Variants in PKHD1 observed in about 807,000 individuals in gnomAD.
PKHD1 encodes the protein fibrocystin.
PKHD1 carries 291 observed loss-of-function variants against 412.0 expected under a neutral mutation model. The ratio of observed to expected loss-of-function variants is 0.71; its 90% CI spans 0.64 to 0.78. The LOEUF is 0.78. Among genes scored for constraint, PKHD1 ranks in the 30% least tolerant of loss-of-function variants. PKHD1 has a pLI of 0.00. For missense variants in PKHD1, 4,825 were observed against 4,950.7 expected (o/e 0.97, Z 0.76); for synonymous variants, 1,777 against 1,821.5 (o/e 0.98, Z 0.62).
intron 35 of PKHD1, among the ~76,000 whole-genome samples, chr6:51,994,623 C>A (rs1797502753): frequency 6.6e-6 from 1 of 152,058 alleles, no homozygotes; most frequent in Non-Finnish European, 1.5e-5. Flanking sequence ...GCTGCCCAGG[C>A]TGGAATGCAG....
At chr6:52,047,088 A>C (rs767331029) in intron 23 of PKHD1, among the ~76,000 whole-genome samples, 9 of 152,226 alleles carry the variant, frequency 5.9e-5, no homozygotes, top group Non-Finnish European at 8.8e-5. Flanking sequence ...ATCATCATTC[A>C]AAAGGCCAGG....
chr6:51,625,694 C>T lies in PKHD1; in HGVS notation c.11785+1303G>A, dbSNP rs990973979. On this transcript the variant is annotated intron_variant, in intron 66 of 66. Transcript: ENST00000371117. ...GCATAATGTAGTTAATTTAAGCGGG[C>T]CACTGAAATGCACATAAATGGCCAT... Among the ~76,000 whole-genome samples, 5 of 152,190 alleles carry T rather than the reference C, an allele frequency of 3.3e-5. No individual in the cohort carries two copies. In the East Asian group the frequency reaches 7.7e-4, roughly 24 times the overall value.
intron 10 of PKHD1, 99 bp from the exon 11 acceptor site, chr6:52,069,626 AT>A: frequency 1.2e-6 from 1 of 853,228 alleles, no homozygotes; most frequent in Non-Finnish European, 2.1e-6. Context: ...ACTAACCTCT[AT>A]TGATCTTTAG....
chr6:51,980,889 T>C (rs1345141989), intron 35 of PKHD1, among the ~76,000 whole-genome samples: 1 of 152,168 alleles, frequency 6.6e-6, no homozygotes, highest in East Asian at 1.9e-4. Flanking sequence ...TACAGTCCAC[T>C]TGAAGAAAGT....
At chr6:51,892,494 T>C (rs1211365482) in intron 43 of PKHD1, among the ~76,000 whole-genome samples, 1 of 152,216 alleles carries the variant, frequency 6.6e-6, no homozygotes, top group Non-Finnish European at 1.5e-5. Flanking sequence ...CCAGGGATGC[T>C]GTTATACAGA....
At chr6:51,711,276 CTTCT>C (rs1345461096) in intron 60 of PKHD1, among the ~76,000 whole-genome samples, 1 of 152,156 alleles carries the variant, frequency 6.6e-6, no homozygotes, top group Non-Finnish European at 1.5e-5. Context: ...GCCTTCCCTC[CTTCT>C]TTGTTTCACT....
Position 51,615,930 on chromosome 6 carries a change from AAC to A in PKHD1, c.*3149_*3150del, listed in dbSNP as rs1182664067. 12 of 152,278 alleles carry A rather than the reference AAC, an allele frequency of 7.9e-5. No individual in the cohort carries two copies. Among genetic ancestry groups the A allele is most frequent in the African/African-American group, 2.9e-4 (12 of 41,556 alleles). 9.4% of individuals were successfully genotyped at this position (152,278 alleles called of 1,614,324 possible). A position where few individuals can be genotyped will look rare whatever the true frequency, so the allele number is the denominator to read the frequency against. On this transcript the variant is annotated 3_prime_UTR_variant, in exon 67 of 67. Coordinates refer to ENST00000371117, the MANE Select transcript of PKHD1 (RefSeq NM_138694.4). ...TTCTGTTGGTCAGGTACTTTCCCTG[AAC>A]ACAGTCCCTGCCCCCCAAAAAATGT...
rs1766116777 is a variant in PKHD1 at position 51,616,904 on chromosome 6, T to C, written c.*2177A>G. 1 of 380,360 alleles carries C rather than the reference T, an allele frequency of 2.6e-6. No homozygotes were observed. The highest frequency in any genetic ancestry group is 4.7e-6 in the Non-Finnish European group (1 of 215,044). The allele number at this position is 380,360 out of a possible 1,614,324, so 23.6% of individuals were successfully genotyped here. Reference sequence around the variant, plus strand: ...GCGAAATAGAATGAAGAGTCATGACTGACTTCTAGATTTCTGGTCTGAGTG... The same window carrying C: ...GCGAAATAGAATGAAGAGTCATGACCGACTTCTAGATTTCTGGTCTGAGTG... On this transcript the variant is annotated 3_prime_UTR_variant, in exon 67 of 67. Coordinates refer to ENST00000371117, the MANE Select transcript of PKHD1 (RefSeq NM_138694.4).
intron 2 of PKHD1, among the ~76,000 whole-genome samples, chr6:52,084,254 A>G (rs552777436): frequency 2.6e-5 from 4 of 152,258 alleles, no homozygotes; most frequent in African/African-American, 4.8e-5. Flanking sequence ...CTCATGATGC[A>G]CTTCACATCT....
At chr6:51,674,904 G>C (rs114662868) in intron 60 of PKHD1, among the ~76,000 whole-genome samples, 1 of 152,092 alleles carries the variant, frequency 6.6e-6, no homozygotes, top group Non-Finnish European at 1.5e-5. Context: ...CAATAGCCTA[G>C]GGATTATCAA....
intron 35 of PKHD1, among the ~76,000 whole-genome samples, chr6:51,992,405 A>T (rs1797150103): frequency 6.6e-6 from 1 of 152,194 alleles, no homozygotes; most frequent in Non-Finnish European, 1.5e-5. Flanking sequence ...AAAAGTATCA[A>T]TTTATCCAAG....
Position 51,904,012 on chromosome 6 carries a change from C to G in PKHD1, c.6839G>C (p.Trp2280Ser). 1.3e-6 allele frequency: 2 copies of G among 1,594,824 alleles called. No homozygotes were observed. Among genetic ancestry groups the G allele is most frequent in the Non-Finnish European group, 1.7e-6 (2 of 1,162,800 alleles). The change falls in exon 42 of 67, where the codon TGG (tryptophan) becomes TCG (serine). Residue 2280 changes from tryptophan (W) to serine (S), a missense_variant. Coordinates refer to ENST00000371117, the MANE Select transcript of PKHD1 (RefSeq NM_138694.4). ...GTCTEMRYIS[W>S]EAIHGRKDDW... The stretch of plus-strand genomic sequence containing the variant: ...ATCTTTCCTTCCATGAATTGCCTCC[C>G]AGGAGATATATCTCATCTCCGTGCA...
At chr6:51,978,716 T>A (rs1794768886) in intron 35 of PKHD1, among the ~76,000 whole-genome samples, 2 of 152,188 alleles carry the variant, frequency 1.3e-5, no homozygotes, top group Non-Finnish European at 1.5e-5. Context: ...TCTGCTCATC[T>A]CACAAACACT....
intron 43 of PKHD1, among the ~76,000 whole-genome samples, chr6:51,899,434 G>C (rs1437693634): frequency 6.6e-6 from 1 of 152,128 alleles, no homozygotes; most frequent in Non-Finnish European, 1.5e-5. Context: ...TATCTCAATA[G>C]ATGCAGAAAA....
At chr6:51,982,793 C>A in intron 35 of PKHD1, among the ~76,000 whole-genome samples, 1 of 109,502 alleles carries the variant, frequency 9.1e-6, no homozygotes, top group Non-Finnish European at 1.9e-5. Context: ...GAGAAACACC[C>A]AAGAATGATC....
At chr6:51,783,040 C>T (rs1388490194) in intron 53 of PKHD1, among the ~76,000 whole-genome samples, 2 of 152,138 alleles carry the variant, frequency 1.3e-5, no homozygotes, top group African/African-American at 4.8e-5. Flanking sequence ...AAGGCACGTG[C>T]TAATGATGAC....
intron 28 of PKHD1, 99 bp downstream of exon 28, chr6:52,035,492 C>T (rs1436461810): frequency 5.2e-6 from 6 of 1,152,626 alleles, no homozygotes; most frequent in Non-Finnish European, 7.9e-6. Flanking sequence ...GAGAAGTTTA[C>T]ATCAGTTCAT....
At chr6:51,665,380 G>C (rs1047760334) in intron 60 of PKHD1, among the ~76,000 whole-genome samples, 8 of 151,980 alleles carry the variant, frequency 5.3e-5, no homozygotes, top group Non-Finnish European at 1.2e-4. Flanking sequence ...AAAATGATTT[G>C]TATATCAGAT....
In PKHD1 at chr6:51,775,877, GA is replaced by G; in HGVS notation, c.8484del (p.Leu2829SerfsTer13). 6.3e-7 allele frequency: 1 copy of G among 1,599,562 alleles called. No individual in the cohort carries two copies. Among genetic ancestry groups the G allele is most frequent in the Non-Finnish European group, 8.6e-7 (1 of 1,167,816 alleles). On this transcript the variant is annotated frameshift_variant, in exon 54 of 67. Transcript: ENST00000371117. LOFTEE classifies it high-confidence loss of function. ...NPLEKEQKLL[I>X]LLRASEGVFC... ...AAGACTCCCTCTGAGGCTCTAAGGA[GA>G]ATCAGAAGCTTTTGTTCCTTTTCTA... is the stretch of plus-strand genomic sequence containing the variant.
Sources: allele counts gnomAD v4.1 joint callset (sites outside exome capture counted in the v4.1 genomes callset), GRCh38; gene constraint gnomAD v4.1.1; transcripts MANE v1.5; gene names NCBI Gene and HGNC (gene_info 2026-07-23, HGNC 2026-07-21).